IFITM5: variants seen among roughly 807,000 people sequenced by gnomAD.
The protein encoded by IFITM5 is interferon induced transmembrane protein 5.
In IFITM5, 10 loss-of-function variants were observed where a neutral mutation model predicts 9.2. The ratio of observed to expected loss-of-function variants is 1.09; its 90% CI spans 0.67 to 1.85. The LOEUF (loss-of-function observed/expected upper bound fraction) is 1.85. Ranked by LOEUF, IFITM5 falls within the 40% of genes most tolerant of loss-of-function variation. The pLI, the probability that IFITM5 is intolerant of heterozygous loss-of-function variation, is 0.00. For synonymous variants in IFITM5, 93 were observed against 86.6 expected (o/e 1.07, Z -0.41); for missense variants, 225 against 182.6 (o/e 1.23, Z -1.34).
At chr11:299,060 G>T (rs528616430) in intron 1 of IFITM5, among the ~76,000 whole-genome samples, 1 of 152,166 alleles carries the variant, frequency 6.6e-6, no homozygotes, top group South Asian at 2.1e-4. Context: ...GCCTCCCAAT[G>T]GCCTCTGTGC....
At chr11:299,255 T>G in intron 1 of IFITM5, 50 bp downstream of exon 1, 1 of 1,207,686 alleles carries the variant, frequency 8.3e-7, no homozygotes, top group Non-Finnish European at 1.1e-6. Context: ...CCCCCCACCT[T>G]GATGGAGTAG....
In IFITM5 at chr11:298,456, G is replaced by C. The variant is rs1051041173; in HGVS notation, c.*45C>G. The C allele has an allele frequency of 8.9e-6, 14 of 1,577,830 alleles. No homozygotes were observed. In the Admixed American group the frequency reaches 1.1e-4, roughly 12 times the overall value. On this transcript the variant is annotated 3_prime_UTR_variant, in exon 2 of 2. Coordinates refer to ENST00000382614, the MANE Select transcript of IFITM5 (RefSeq NM_001025295.3). The stretch of plus-strand genomic sequence containing the variant: ...ATTGGGCCCCAGGGGCAGCAGCCTG[G>C]GGTCAGTGTCCTGGGGCTAGTGCCC...
chr11:299,206 G>A lies in IFITM5; in HGVS notation c.186+99C>T, dbSNP rs941829125. 64 of 945,112 alleles carry A rather than the reference G, an allele frequency of 6.8e-5. No individual in the cohort carries two copies. The East Asian group carries it at 1.1e-3, about 16-fold the overall frequency. The allele number at this position is 945,112 out of a possible 1,614,324, so 58.5% of individuals were successfully genotyped here. A position where few individuals can be genotyped will look rare whatever the true frequency, so the allele number is the denominator to read the frequency against. On this transcript the variant is annotated intron_variant, in intron 1 of 1. Transcript: ENST00000382614. ...CAGAGCCCCCCGCGGCCCCCAGCAC[G>A]GCAAGGACCCCCCACGGAGCTCCCC... is the stretch of plus-strand genomic sequence containing the variant.
In IFITM5 at chr11:298,748, A is replaced by G. The variant is rs368090655; in HGVS notation, c.187-35T>C. 3.7e-5 allele frequency: 59 copies of G among 1,590,878 alleles called. No individual in the cohort carries two copies. In the African/African-American group the frequency reaches 6.3e-4, roughly 17 times the overall value. On this transcript the variant is annotated intron_variant, in intron 1 of 1. Coordinates refer to ENST00000382614, the MANE Select transcript of IFITM5 (RefSeq NM_001025295.3). ...GACCAGACCACAGGGCCAGATCTCT[A>G]TGTGTCCTCGGGGCCTGGGGGCCCT...
Position 298,441 on chromosome 11 carries a change from A to G in IFITM5, c.*60T>C. The G allele has an allele frequency of 1.9e-6, 3 of 1,547,702 alleles. No individual in the cohort carries two copies. Among genetic ancestry groups the G allele is most frequent in the African/African-American group, 1.4e-5 (1 of 73,598 alleles). On this transcript the variant is annotated 3_prime_UTR_variant, in exon 2 of 2. Coordinates refer to ENST00000382614, the MANE Select transcript of IFITM5 (RefSeq NM_001025295.3). ...CTCCGGGGAGTCAGTATTGGGCCCC[A>G]GGGGCAGCAGCCTGGGGTCAGTGTC...
intron 1 of IFITM5, 71 bp downstream of exon 1, chr11:299,234 C>CAA: frequency 5.3e-6 from 5 of 945,888 alleles, no homozygotes; most frequent in African/African-American, 1.7e-5. Context: ...AGCTCCCCAT[C>CAA]CCTCCCCCTT....
rs761353045 is a variant in IFITM5, at chr11:298,645, G to A, written c.255C>T (p.Tyr85=). The part of the protein sequence containing the change: ...ARRFGSKAKC[Y]NILAAMWTLV... ...GCGTCCACATCGCGGCCAGGATGTT[G>A]TAGCACTTGGCTTTGGAGCCAAAAC... The change falls in exon 2 of 2, where the codon TAC becomes TAT. Residue 85 remains tyrosine (Y), a synonymous_variant. Coordinates refer to ENST00000382614, the MANE Select transcript of IFITM5 (RefSeq NM_001025295.3). The A allele has an allele frequency of 1.2e-6, 2 of 1,613,650 alleles. No homozygotes were observed. The highest frequency in any genetic ancestry group is 1.3e-5 in the African/African-American group (1 of 75,064).
Position 298,403 on chromosome 11 carries a change from A to C in IFITM5, c.*98T>G. 7.7e-7 allele frequency: 1 copy of C among 1,303,394 alleles called. No individual in the cohort carries two copies. The highest frequency in any genetic ancestry group is 1.4e-5 in the South Asian group (1 of 72,420). The allele number at this position is 1,303,394 out of a possible 1,614,324, so 80.7% of individuals were successfully genotyped here. A position where few individuals can be genotyped will look rare whatever the true frequency, so the allele number is the denominator to read the frequency against. ...TGGGGCAGGGATGGAGGCCCCACAG[A>C]AGGAGGGCCAGGCTCCGGGGAGTCA... On this transcript the variant is annotated 3_prime_UTR_variant, in exon 2 of 2. Transcript: ENST00000382614.
In IFITM5 at chr11:298,465, T is replaced by A. The variant is rs768958222; in HGVS notation, c.*36A>T. ...CAGGGGCAGCAGCCTGGGGTCAGTG[T>A]CCTGGGGCTAGTGCCCCAGATCAGG... On this transcript the variant is annotated 3_prime_UTR_variant, in exon 2 of 2. Transcript: ENST00000382614. 9 of 1,589,262 alleles carry A rather than the reference T, an allele frequency of 5.7e-6. No homozygotes were observed. In the South Asian group the frequency reaches 1.0e-4, roughly 18 times the overall value.
chr11:298,203 C>A lies in IFITM5; in HGVS notation c.*298G>T. ...CAGGAAAGAGGCCAGGAGGCACTTT[C>A]TGGAACCAGGCACTTTTAATCGTGG... On this transcript the variant is annotated 3_prime_UTR_variant, in exon 2 of 2. Coordinates refer to ENST00000382614, the MANE Select transcript of IFITM5 (RefSeq NM_001025295.3). 2.3e-6 allele frequency: 1 copy of A among 430,456 alleles called. No homozygotes were observed. Among genetic ancestry groups the A allele is most frequent in the Non-Finnish European group, 4.2e-6 (1 of 236,062 alleles). 26.7% of individuals were successfully genotyped at this position (430,456 alleles called of 1,614,324 possible).
At position 299,504 on chromosome 11, in the gene IFITM5, G is replaced by A. The variant is rs587776916; in HGVS notation, c.-14C>T. The A allele has an allele frequency of 6.9e-7, 1 of 1,457,938 alleles. No individual in the cohort carries two copies. 90.3% of individuals were successfully genotyped at this position (1,457,938 alleles called of 1,614,324 possible). ...CGCCGTGTCCATGGGTTCCAGCGCC[G>A]TCTCTTCCACACTCAGACTGGTGCT... On this transcript the variant is annotated 5_prime_UTR_variant, in exon 1 of 2. In the 5' UTR this introduces an upstream ATG that the reference lacks. Coordinates refer to ENST00000382614, the MANE Select transcript of IFITM5 (RefSeq NM_001025295.3).
In IFITM5 at chr11:298,516, G is replaced by A. The variant is rs144153945; in HGVS notation, c.384C>T (p.Asp128=). ...ACCCAGCCTGTCAGTCATAGTCCGCGTCATCAAACTTGGTGCTGAAGAAGG... is the reference window on the plus strand; with the variant it reads ...ACCCAGCCTGTCAGTCATAGTCCGCATCATCAAACTTGGTGCTGAAGAAGG... The part of the protein sequence containing the change: ...SAAFFSTKFD[D]ADYD The change falls in exon 2 of 2, where the codon GAC becomes GAT. Residue 128 remains aspartate (D), a synonymous_variant. Transcript: ENST00000382614. 2,219 of 1,611,422 alleles carry A rather than the reference G, an allele frequency of 1.4e-3. 16 individuals carry two copies. The highest frequency in any genetic ancestry group is 8.5e-4 in the Non-Finnish European group (1,002 of 1,179,836).
rs775669597 is a variant in IFITM5, at chr11:299,449, C to T, written c.42G>A (p.Thr14=). 378 of 1,524,766 alleles carry T rather than the reference C, an allele frequency of 2.5e-4. 4 individuals are homozygous for T. The South Asian group carries it at 2.5e-3, about 10-fold the overall frequency. The allele number at this position is 1,524,766 out of a possible 1,614,324, so 94.5% of individuals were successfully genotyped here. A position where few individuals can be genotyped will look rare whatever the true frequency, so the allele number is the denominator to read the frequency against. ...AYPREDTRAP[T]PSKAGAHTAL... is the part of the protein sequence containing the mutation. ...CTGTGTGGGCACCGGCCTTGCTGGG[C>T]GTGGGGGCCCGGGTGTCCTCGCGGG... The change falls in exon 1 of 2, where the codon ACG becomes ACA. Residue 14 remains threonine, a synonymous_variant. Coordinates refer to ENST00000382614, the MANE Select transcript of IFITM5 (RefSeq NM_001025295.3).
In IFITM5 at chr11:298,422, G is replaced by A; in HGVS notation, c.*79C>T. On this transcript the variant is annotated 3_prime_UTR_variant, in exon 2 of 2. Transcript: ENST00000382614. ...CCACAGAAGGAGGGCCAGGCTCCGG[G>A]GAGTCAGTATTGGGCCCCAGGGGCA... 2 of 1,459,980 alleles carry A rather than the reference G, an allele frequency of 1.4e-6. No homozygotes were observed. The highest frequency in any genetic ancestry group is 1.9e-6 in the Non-Finnish European group (2 of 1,072,428). 90.4% of individuals were successfully genotyped at this position (1,459,980 alleles called of 1,614,324 possible).
At chr11:299,276 C>T (rs1486636386) in intron 1 of IFITM5, 29 bp downstream of exon 1, 11 of 1,538,914 alleles carry the variant, frequency 7.1e-6, no homozygotes, top group Admixed American at 2.0e-5. Context: ...TGGAGCCTCC[C>T]CCGCAACCTC....
At chr11:298,765 G>A (rs1408360222) in intron 1 of IFITM5, 52 bp from the exon 2 acceptor site, 3 of 1,526,622 alleles carry the variant, frequency 2.0e-6, no homozygotes, top group Non-Finnish European at 2.7e-6. Context: ...CTCGGGGCCT[G>A]GGGGCCCTTC....
At position 299,326 on chromosome 11, in the gene IFITM5, C is replaced by T; in HGVS notation, c.165G>A (p.Leu55=). 1.9e-6 allele frequency: 3 copies of T among 1,601,552 alleles called. No individual in the cohort carries two copies. The highest frequency in any genetic ancestry group is 1.7e-5 in the Admixed American group (1 of 58,870). The change falls in exon 1 of 2, where the codon CTG becomes CTA. Residue 55 remains leucine, a synonymous_variant. Coordinates refer to ENST00000382614, the MANE Select transcript of IFITM5 (RefSeq NM_001025295.3). Reference sequence around the variant, plus strand: ...CCACCTTGATGGAGTAGGCCAGCGCCAGGAAGCCGAGGCAACACAGATTCA... The same window carrying T: ...CCACCTTGATGGAGTAGGCCAGCGCTAGGAAGCCGAGGCAACACAGATTCA... ...LYLNLCCLGF[L]ALAYSIKARD... is the part of the protein sequence containing the mutation.
At position 299,485 on chromosome 11, in the gene IFITM5, G is replaced by A. The variant is rs1845905784; in HGVS notation, c.6C>T (p.Asp2=). The change falls in exon 1 of 2, where the codon GAC becomes GAT. Residue 2 remains aspartate (D), a synonymous_variant. Transcript: ENST00000382614. Reference sequence around the variant, plus strand: ...GGGTGTCCTCGCGGGGATACGCCGTGTCCATGGGTTCCAGCGCCGTCTCTT... The same window carrying A: ...GGGTGTCCTCGCGGGGATACGCCGTATCCATGGGTTCCAGCGCCGTCTCTT... M[D]TAYPREDTRA... is the part of the protein sequence containing the mutation. 6.8e-7 allele frequency: 1 copy of A among 1,478,800 alleles called. No homozygotes were observed. The highest frequency in any genetic ancestry group is 2.4e-5 in the Admixed American group (1 of 40,962). The allele number at this position is 1,478,800 out of a possible 1,614,324, so 91.6% of individuals were successfully genotyped here.
At position 298,355 on chromosome 11, in the gene IFITM5, GC is replaced by G. The variant is rs553495941; in HGVS notation, c.*145del. On this transcript the variant is annotated 3_prime_UTR_variant, in exon 2 of 2. Transcript: ENST00000382614. The stretch of plus-strand genomic sequence containing the variant: ...TTCAGCCTTAGGTGCCCATGTTGGG[GC>G]TGGAGGGCCCCAGGATCAGGATGGG... 1.4e-3 allele frequency: 1,233 copies of G among 865,974 alleles called. 12 individuals are homozygous for G. In the African/African-American group the frequency reaches 0.017, roughly 12 times the overall value. 53.6% of individuals were successfully genotyped at this position (865,974 alleles called of 1,614,324 possible).
Sources: gnomAD v4.1 joint callset for allele counts (sites outside exome capture counted in the v4.1 genomes callset) on GRCh38, gnomAD v4.1.1 for gene constraint, MANE v1.5 for transcripts, NCBI Gene and HGNC (gene_info 2026-07-23, HGNC 2026-07-21) for gene names.